TSPAN18: variants seen among roughly 807,000 people sequenced by gnomAD.
TSPAN18 encodes tetraspanin-18.
In TSPAN18, 14 loss-of-function variants were observed where a neutral mutation model predicts 27.3. The ratio of observed to expected loss-of-function variants is 0.51; its 90% CI spans 0.34 to 0.80. The LOEUF is 0.80. TSPAN18 is among the 30% of genes least tolerant of loss of function. The pLI is 0.01. For synonymous variants in TSPAN18, 143 were observed against 136.5 expected, an observed-to-expected ratio of 1.05 and a Z score of -0.33; for missense variants, 268 against 323.9, an observed-to-expected ratio of 0.83 and a Z score of 1.32.
At chr11:44,755,003 G>C (rs1027772850) in intron 1 of TSPAN18, among the ~76,000 whole-genome samples, 2 of 152,216 alleles carry the variant, frequency 1.3e-5, no homozygotes, top group Admixed American at 6.5e-5. Flanking sequence ...ACCCTGGCTG[G>C]CATGTGCTGT....
chr11:44,829,641 A>T (rs983773194), intron 2 of TSPAN18, among the ~76,000 whole-genome samples: 4 of 152,190 alleles, frequency 2.6e-5, no homozygotes, highest in Non-Finnish European at 5.9e-5. Flanking sequence ...ACTGCTGTAA[A>T]CATTAGTGTG....
chr11:44,769,110 T>C (rs1855633369), intron 2 of TSPAN18, among the ~76,000 whole-genome samples: 2 of 152,238 alleles, frequency 1.3e-5, no homozygotes, highest in African/African-American at 4.8e-5. Flanking sequence ...TTGGCCAGGC[T>C]AGTCTTGAAC....
chr11:44,885,218 C>T (rs1858608463), intron 3 of TSPAN18, among the ~76,000 whole-genome samples: 2 of 152,224 alleles, frequency 1.3e-5, no homozygotes, highest in African/African-American at 4.8e-5. Context: ...CTTCCCTAAG[C>T]CCTTCTCCGG....
At chr11:44,893,132 C>A (rs1261284624) in intron 3 of TSPAN18, among the ~76,000 whole-genome samples, 2 of 152,180 alleles carry the variant, frequency 1.3e-5, no homozygotes, top group Non-Finnish European at 2.9e-5. Flanking sequence ...CTCTGATGGC[C>A]CTGTGGGTGT....
chr11:44,858,163 C>T (rs1414912429), intron 2 of TSPAN18, among the ~76,000 whole-genome samples: 1 of 152,200 alleles, frequency 6.6e-6, no homozygotes, highest in East Asian at 1.9e-4. Context: ...ACCTTTCTAT[C>T]TCATTTCTAC....
chr11:44,863,176 A>T (rs1857942320), intron 3 of TSPAN18, among the ~76,000 whole-genome samples: 1 of 152,270 alleles, frequency 6.6e-6, no homozygotes, highest in Non-Finnish European at 1.5e-5. Context: ...AAATCAGGGG[A>T]TGCAAGGCCT....
At chr11:44,804,133 C>T (rs544159797) in intron 2 of TSPAN18, among the ~76,000 whole-genome samples, 12 of 152,096 alleles carry the variant, frequency 7.9e-5, no homozygotes, top group Non-Finnish European at 1.2e-4. Flanking sequence ...GACAGAGTCT[C>T]GCTCTGTCGC....
At chr11:44,738,013 T>C (rs896623630) in intron 1 of TSPAN18, among the ~76,000 whole-genome samples, 3 of 152,176 alleles carry the variant, frequency 2.0e-5, no homozygotes, top group Non-Finnish European at 4.4e-5. Flanking sequence ...TGGATGACTG[T>C]TGACTTCTCT....
intron 5 of TSPAN18, among the ~76,000 whole-genome samples, chr11:44,912,178 C>T (rs930600598): frequency 1.7e-4 from 26 of 152,012 alleles, no homozygotes; most frequent in Non-Finnish European, 3.4e-4. Flanking sequence ...CGTACTGTCA[C>T]GCCCAGCTAA....
intron 2 of TSPAN18, among the ~76,000 whole-genome samples, chr11:44,800,760 G>C (rs1856462235): frequency 6.6e-6 from 1 of 152,234 alleles, no homozygotes; most frequent in Non-Finnish European, 1.5e-5. Flanking sequence ...TAGGATTGGG[G>C]ACAGGTGGGG....
chr11:44,908,757 AGAGAGAGAAAGG>A (rs1859554229), intron 4 of TSPAN18, among the ~76,000 whole-genome samples: 6 of 70,374 alleles, frequency 8.5e-5, no homozygotes, highest in African/African-American at 2.2e-4. Context: ...AGAGAGAGAG[AGAGAGAGAAAGG>A]AGAAAGAAAG....
intron 2 of TSPAN18, among the ~76,000 whole-genome samples, chr11:44,793,899 C>CA (rs1341902057): frequency 6.6e-6 from 1 of 152,084 alleles, no homozygotes; most frequent in African/African-American, 2.4e-5. Context: ...GTGCATCTCA[C>CA]AAGGGATGCC....
chr11:44,740,143 CT>C (rs1238057877), intron 1 of TSPAN18, among the ~76,000 whole-genome samples: 1 of 152,214 alleles, frequency 6.6e-6, no homozygotes, highest in Non-Finnish European at 1.5e-5. Flanking sequence ...CTGCCCGCCC[CT>C]TGCCTATCTC....
intron 3 of TSPAN18, among the ~76,000 whole-genome samples, chr11:44,900,680 CTTTTTTTTTTTTTTTTT>C (rs72469181): frequency 4.0e-5 from 2 of 49,702 alleles, no homozygotes; most frequent in Admixed American, 3.6e-4. Flanking sequence ...TTGAGGAAGG[CTTTTTTTTTTTTTTTTT>C]TTTTTTTTTT....
chr11:44,853,018 C>G (rs1359191419), intron 2 of TSPAN18, among the ~76,000 whole-genome samples: 2 of 152,226 alleles, frequency 1.3e-5, no homozygotes, highest in Non-Finnish European at 1.5e-5. Flanking sequence ...TCGTGCTATA[C>G]TAACGCCCTA....
intron 2 of TSPAN18, among the ~76,000 whole-genome samples, chr11:44,768,456 A>G (rs933890048): frequency 3.9e-5 from 6 of 152,136 alleles, no homozygotes; most frequent in Admixed American, 3.3e-4. Flanking sequence ...TTCCTATCCT[A>G]CAACCTTAGT....
intron 1 of TSPAN18, among the ~76,000 whole-genome samples, chr11:44,737,136 C>G (rs1854815670): frequency 6.6e-6 from 1 of 152,226 alleles, no homozygotes; most frequent in South Asian, 2.1e-4. Flanking sequence ...TTGCTATGTA[C>G]CAAGGCCTCT....
At chr11:44,781,758 A>G (rs2134953251) in intron 2 of TSPAN18, among the ~76,000 whole-genome samples, 1 of 152,332 alleles carries the variant, frequency 6.6e-6, no homozygotes, top group African/African-American at 2.4e-5. Flanking sequence ...GTACAATAAC[A>G]TCCATTTTGA....
At chr11:44,910,115 C>T (rs1267816998) in intron 5 of TSPAN18, among the ~76,000 whole-genome samples, 2 of 152,240 alleles carry the variant, frequency 1.3e-5, no homozygotes, top group Admixed American at 1.3e-4. Context: ...GCAACTTGCC[C>T]AGAGTCCCAT....
Sources: gnomAD v4.1 joint callset for allele counts (sites outside exome capture counted in the v4.1 genomes callset) on GRCh38, gnomAD v4.1.1 for gene constraint, MANE v1.5 for transcripts, NCBI Gene and HGNC (gene_info 2026-07-23, HGNC 2026-07-21) for gene names.